The following MYOZ3 variants were observed in gnomAD, a reference collection of about 807,000 sequenced individuals.
The protein encoded by MYOZ3 is myozenin-3.
Under a neutral mutation model 26.5 loss-of-function variants are expected in MYOZ3, and 19 were observed. The observed-to-expected ratio is 0.72, with a 90% CI of 0.50 to 1.05. The LOEUF is 1.05. Among genes scored for constraint, MYOZ3 ranks in the 50% least tolerant of loss-of-function variants. The probability of loss-of-function intolerance (pLI) is 0.00; values close to 1 mark genes in which losing one functional copy is unlikely to be tolerated. For synonymous variants in MYOZ3, 135 were observed against 138.8 expected, an observed-to-expected ratio of 0.97 and a Z score of 0.19; for missense variants, 322 against 337.1, an observed-to-expected ratio of 0.96 and a Z score of 0.35.
intron 3 of MYOZ3, 178 bp from the exon 4 acceptor site, chr5:150,671,419 G>A: frequency 1.6e-6 from 1 of 641,258 alleles, no homozygotes; most frequent in Non-Finnish European, 2.8e-6. Context: ...CATATATCGA[G>A]TATTTCTCGG....
At position 150,662,837 on chromosome 5, in the gene MYOZ3, C is replaced by G. The variant is rs1758755094; in HGVS notation, c.-1-104C>G. 5.0e-6 allele frequency: 5 copies of G among 1,009,484 alleles called. No individual in the cohort carries two copies. In the South Asian group the frequency reaches 7.0e-5, roughly 14 times the overall value. The allele number at this position is 1,009,484 out of a possible 1,614,324, so 62.5% of individuals were successfully genotyped here. On this transcript the variant is annotated intron_variant, in intron 1 of 6. Transcript: ENST00000517768. ...TCCCTTGCTTGTGATTTGGGGCTGG[C>G]CTAAAGCTGTTCAGGACTGGGGCAG...
At chr5:150,669,986 G>A (rs192364521) in intron 2 of MYOZ3, 7 of 152,342 alleles carry the variant, frequency 4.6e-5, no homozygotes, top group Admixed American at 1.3e-4. Flanking sequence ...CTATTTTAAA[G>A]TTAAAAGAAC....
chr5:150,673,636 G>A (rs374076519), intron 6 of MYOZ3, among the ~76,000 whole-genome samples: 16 of 152,240 alleles, frequency 1.1e-4, no homozygotes, highest in East Asian at 7.7e-4. Context: ...CACCGCCCCC[G>A]GCGTATTATG....
chr5:150,669,633 CT>C (rs532402882), intron 2 of MYOZ3, among the ~76,000 whole-genome samples: 431 of 47,616 alleles, frequency 9.1e-3, no homozygotes, highest in Non-Finnish European at 0.016. Flanking sequence ...CCCATATATG[CT>C]TTTTTTTTTT....
At chr5:150,664,516 A>G (rs1445457943) in intron 2 of MYOZ3, among the ~76,000 whole-genome samples, 1 of 152,252 alleles carries the variant, frequency 6.6e-6, no homozygotes, top group African/African-American at 2.4e-5. Flanking sequence ...AAAGACGGCC[A>G]CTGTAAAGTA....
chr5:150,672,013 C>A, intron 5 of MYOZ3, 105 bp downstream of exon 5: 1 of 1,405,980 alleles, frequency 7.1e-7, no homozygotes, highest in African/African-American at 1.4e-5. Flanking sequence ...CCGCCCCCTT[C>A]CCCAACACAC....
chr5:150,676,742 G>A lies in MYOZ3; in HGVS notation c.623G>A (p.Gly208Asp), dbSNP rs770449630. ...CCATTTGGAGGACCCCTCGTGGGGG[G>A]CACTTTTCCCAGGCCAGGCACCCCC... ...PVPFGGPLVGGTFPRPGTPFI... is the reference protein window; with the variant it reads ...PVPFGGPLVGDTFPRPGTPFI... The change falls in exon 7 of 7, where the codon GGC becomes GAC. Residue 208 changes from glycine (G) to aspartate (D), a missense_variant. Gly to Asp is a moderately conservative substitution (Grantham distance 94). Transcript: ENST00000517768. 2.5e-6 allele frequency: 4 copies of A among 1,613,956 alleles called. No homozygotes were observed. The highest frequency in any genetic ancestry group is 3.4e-6 in the Non-Finnish European group (4 of 1,180,004).
At chr5:150,671,989 C>G in intron 5 of MYOZ3, 81 bp downstream of exon 5, 1 of 1,446,634 alleles carries the variant, frequency 6.9e-7, no homozygotes, top group Non-Finnish European at 9.1e-7. Context: ...AGGAAGAGCA[C>G]CCAGAAGGCT....
rs988985642 is a variant in MYOZ3, at chr5:150,679,333, T to C, written c.*2458T>C. On this transcript the variant is annotated 3_prime_UTR_variant, in exon 7 of 7. Transcript: ENST00000517768. ...GTAAAAAAGAAAAAAAAAAGAATGCTCATTGTAAAAATAAAAAAATAATAA... is the reference window on the plus strand; with the variant it reads ...GTAAAAAAGAAAAAAAAAAGAATGCCCATTGTAAAAATAAAAAAATAATAA... 3.9e-5 allele frequency: 6 copies of C among 152,152 alleles called. No individual in the cohort carries two copies. The highest frequency in any genetic ancestry group is 1.5e-4 in the African/African-American group (6 of 41,366). 9.4% of individuals were successfully genotyped at this position (152,152 alleles called of 1,614,324 possible).
intron 3 of MYOZ3, 189 bp from the exon 4 acceptor site, chr5:150,671,408 A>G (rs1252855838): frequency 3.2e-6 from 2 of 624,148 alleles, no homozygotes; most frequent in Non-Finnish European, 5.7e-6. Context: ...ATAGCAATTA[A>G]CATATATCGA....
intron 2 of MYOZ3, among the ~76,000 whole-genome samples, chr5:150,667,090 T>C (rs1395063456): frequency 6.6e-6 from 1 of 152,148 alleles, no homozygotes; most frequent in South Asian, 2.1e-4. Flanking sequence ...TCTTAGCACA[T>C]AAAAAGTGTC....
intron 2 of MYOZ3, among the ~76,000 whole-genome samples, 165 bp downstream of exon 2, chr5:150,663,167 C>G (rs1758761482): frequency 6.6e-6 from 1 of 152,230 alleles, no homozygotes; most frequent in South Asian, 2.1e-4. Context: ...TGGGAAGCTT[C>G]CCTGAGGCAC....
chr5:150,665,880 A>G (rs1437828295), intron 2 of MYOZ3, among the ~76,000 whole-genome samples: 24 of 152,072 alleles, frequency 1.6e-4, no homozygotes, highest in Admixed American at 1.5e-3. Flanking sequence ...TACTATAAAT[A>G]CAAAATTAGC....
rs1014123219 is a variant in MYOZ3, at chr5:150,670,645, A to T, written c.216+7A>T. 3 of 1,605,488 alleles carry T rather than the reference A, an allele frequency of 1.9e-6. No homozygotes were observed. Among genetic ancestry groups the T allele is most frequent in the African/African-American group, 2.7e-5 (2 of 74,828 alleles). On this transcript the variant is annotated splice_region_variant and intron_variant, in intron 3 of 6. Coordinates refer to ENST00000517768, the MANE Select transcript of MYOZ3 (RefSeq NM_001122853.3). ...AGCAGCCAGCCAGCGGGCGGTGAGT[A>T]AGCCACCATTGTGCTCATGGGGAAA... is the stretch of plus-strand genomic sequence containing the variant.
chr5:150,671,852 C>T lies in MYOZ3; in HGVS notation c.368C>T (p.Ala123Val), dbSNP rs1758919953. ...GCCTCACTCGGGGGTCCCGAGGGCGCCCACCCTGCAGCCGCCCCTGCTGGG... is the reference window on the plus strand; with the variant it reads ...GCCTCACTCGGGGGTCCCGAGGGCGTCCACCCTGCAGCCGCCCCTGCTGGG... The part of the protein sequence containing the change: ...PGASLGGPEG[A>V]HPAAAPAGCV... Residue 123 changes from alanine (A) to valine (V), a missense_variant, in exon 5 of 7, where the codon GCC becomes GTC. Physicochemically the swap from Ala to Val is moderately conservative, Grantham distance 64. Coordinates refer to ENST00000517768, the MANE Select transcript of MYOZ3 (RefSeq NM_001122853.3). 1.0e-5 allele frequency: 16 copies of T among 1,604,200 alleles called. No homozygotes were observed. The highest frequency in any genetic ancestry group is 1.3e-5 in the Non-Finnish European group (15 of 1,177,216).
chr5:150,672,499 A>G lies in MYOZ3; in HGVS notation c.584A>G (p.Asn195Ser). The change falls in exon 6 of 7, where the codon AAC becomes AGC. Residue 195 changes from asparagine to serine, a missense_variant. Transcript: ENST00000517768. ...TPSPNDYRNF[N>S]KTPVPFGGPL... ...AGCCCCAACGACTACCGAAATTTCA[A>G]CAAGTAAGGCGGGGCGGGCAGCCCG... 1 of 1,561,672 alleles carries G rather than the reference A, an allele frequency of 6.4e-7. No homozygotes were observed. The highest frequency in any genetic ancestry group is 2.3e-5 in the East Asian group (1 of 43,878).
At chr5:150,672,024 A>ACGCG in intron 5 of MYOZ3, 116 bp downstream of exon 5, 1 of 1,350,156 alleles carries the variant, frequency 7.4e-7, no homozygotes, top group Non-Finnish European at 1.0e-6. Context: ...CCCAACACAC[A>ACGCG]CGCGCACGCG....
intron 2 of MYOZ3, among the ~76,000 whole-genome samples, chr5:150,666,425 C>A (rs764147195): frequency 1.3e-5 from 2 of 151,806 alleles, no homozygotes; most frequent in Non-Finnish European, 2.9e-5. Flanking sequence ...ACCAGCCTGG[C>A]CAACATGGTG....
rs759477674 is a variant in MYOZ3 at position 150,671,738 on chromosome 5, C to A, written c.271-17C>A. The A allele has an allele frequency of 2.5e-6, 4 of 1,613,150 alleles. 1 individual carries two copies. In the South Asian group the frequency reaches 4.4e-5, roughly 18 times the overall value. On this transcript the variant is annotated splice_polypyrimidine_tract_variant and intron_variant, in intron 4 of 6. Transcript: ENST00000517768. The stretch of plus-strand genomic sequence containing the variant: ...GGAGGTCGTCGGTGGCCTCTGAGAA[C>A]CCGCCCCTGTGCCCAGGTTGCCAAT...
Sources: allele counts gnomAD v4.1 joint callset (sites outside exome capture counted in the v4.1 genomes callset), GRCh38; gene constraint gnomAD v4.1.1; transcripts MANE v1.5; gene names NCBI Gene and HGNC (gene_info 2026-07-23, HGNC 2026-07-21).